CMSS1: variants seen among roughly 807,000 people sequenced by gnomAD.
CMSS1 encodes the protein cms1 ribosomal small subunit homolog, also known as protein CMSS1.
In CMSS1, 33 loss-of-function variants were observed where a neutral mutation model predicts 43.5. The observed-to-expected ratio is 0.76, with a 90% confidence interval of 0.57 to 1.01. The LOEUF (loss-of-function observed/expected upper bound fraction) is 1.01, where lower values mean the gene tolerates loss of function less well. Ranked by LOEUF, CMSS1 falls within the 50% of genes least tolerant of loss-of-function variation. The pLI, the probability that CMSS1 is intolerant of heterozygous loss-of-function variation, is 0.00. For synonymous variants in CMSS1, 115 were observed against 117.2 expected (o/e 0.98, Z 0.12); for missense variants, 313 against 326.4 (o/e 0.96, Z 0.32).
chr3:100,109,344 T>C (rs1199060110), intron 1 of CMSS1, among the ~76,000 whole-genome samples: 1 of 152,174 alleles, frequency 6.6e-6, no homozygotes, highest in African/African-American at 2.4e-5. Flanking sequence ...GCTTTACATA[T>C]AGTAAAATTA....
chr3:100,037,193 G>T (rs1260029776), intron 1 of CMSS1, among the ~76,000 whole-genome samples: 1 of 151,008 alleles, frequency 6.6e-6, no homozygotes, highest in African/African-American at 2.5e-5. Flanking sequence ...GATCATTGTG[G>T]AGTAAGTGAA....
intron 1 of CMSS1, among the ~76,000 whole-genome samples, chr3:100,100,799 A>G (rs2066290559): frequency 1.3e-5 from 2 of 152,200 alleles, no homozygotes; most frequent in South Asian, 2.1e-4. Context: ...GCCTTGCTGC[A>G]TATTCTGGTG....
chr3:99,887,017 A>G (rs1377529316), intron 1 of CMSS1, among the ~76,000 whole-genome samples: 1 of 151,708 alleles, frequency 6.6e-6, no homozygotes, highest in African/African-American at 2.4e-5. Flanking sequence ...CATGCCTGTA[A>G]TCCCAGCACT....
chr3:100,179,701 G>A lies in CMSS1; in HGVS notation c.*1313G>A, dbSNP rs988272337. 3 of 152,418 alleles carry A rather than the reference G, an allele frequency of 2.0e-5. No homozygotes were observed. Among genetic ancestry groups the A allele is most frequent in the African/African-American group, 7.2e-5 (3 of 41,460 alleles). 9.4% of individuals were successfully genotyped at this position (152,418 alleles called of 1,614,324 possible). On this transcript the variant is annotated 3_prime_UTR_variant, in exon 10 of 10. Transcript: ENST00000421999. Reference sequence around the variant, plus strand: ...TGTTGAGTGCCTACAGCATATCCAGGTACACAGTGTAAGCTGTCAGTGGAT... The same window carrying A: ...TGTTGAGTGCCTACAGCATATCCAGATACACAGTGTAAGCTGTCAGTGGAT...
In CMSS1 at chr3:100,005,078, A is replaced by G. The variant is rs41444055; in HGVS notation, c.65-141895A>G. ...CAGGACGTAACCAGAAAGCCAGTAA[A>G]GGTTCAACTCTTATGAATAGGAAAG... On this transcript the variant is annotated intron_variant, in intron 1 of 9. Transcript: ENST00000421999. Among the ~76,000 whole-genome samples the G allele has an allele frequency of 4.5e-3, 691 of 152,336 alleles. 7 individuals carry two copies. The highest frequency in any genetic ancestry group is 0.016 in the African/African-American group (677 of 41,580).
chr3:100,165,257 G>T (rs573876191), intron 4 of CMSS1, among the ~76,000 whole-genome samples: 5 of 152,242 alleles, frequency 3.3e-5, no homozygotes, highest in Admixed American at 3.3e-4. Flanking sequence ...CTCACTTAAT[G>T]AGTTATATGT....
chr3:99,893,503 A>G (rs975225828), intron 1 of CMSS1, among the ~76,000 whole-genome samples: 1 of 152,156 alleles, frequency 6.6e-6, no homozygotes, highest in Non-Finnish European at 1.5e-5. Flanking sequence ...TAGTAACAGT[A>G]ACAAATATTA....
chr3:99,850,632 T>C, intron 1 of CMSS1: 1 of 1,614,078 alleles, frequency 6.2e-7, no homozygotes, highest in Non-Finnish European at 8.5e-7. Context: ...GCAGCTCCTC[T>C]TCTGCTTTTC....
intron 1 of CMSS1, among the ~76,000 whole-genome samples, chr3:99,986,345 C>G (rs1403343098): frequency 6.6e-6 from 1 of 152,100 alleles, no homozygotes; most frequent in African/African-American, 2.4e-5. Context: ...AAAGACATAT[C>G]ATTGTAAAAT....
chr3:100,102,011 A>G (rs944342278), intron 1 of CMSS1, among the ~76,000 whole-genome samples: 5 of 152,308 alleles, frequency 3.3e-5, no homozygotes, highest in South Asian at 2.1e-4. Flanking sequence ...TTCTTAATCC[A>G]GTCGATCATT....
At chr3:100,048,014 T>C (rs1290880170) in intron 1 of CMSS1, among the ~76,000 whole-genome samples, 2 of 152,116 alleles carry the variant, frequency 1.3e-5, no homozygotes, top group East Asian at 3.9e-4. Flanking sequence ...GGGCCATAGC[T>C]TGTGAAAGTG....
intron 1 of CMSS1, among the ~76,000 whole-genome samples, chr3:99,977,783 A>C (rs1479125885): frequency 1.3e-5 from 2 of 152,184 alleles, no homozygotes; most frequent in African/African-American, 4.8e-5. Context: ...TTCATAAACT[A>C]GTTAACTTAC....
chr3:100,125,988 G>T (rs1219214751), intron 1 of CMSS1, among the ~76,000 whole-genome samples: 2 of 152,142 alleles, frequency 1.3e-5, no homozygotes, highest in Non-Finnish European at 2.9e-5. Flanking sequence ...GTTAATATTT[G>T]CCACCAAGTT....
intron 1 of CMSS1, among the ~76,000 whole-genome samples, chr3:100,081,311 A>G (rs990195082): frequency 6.6e-6 from 1 of 152,198 alleles, no homozygotes; most frequent in Admixed American, 6.5e-5. Flanking sequence ...TGTAAAACAA[A>G]TTATATACCA....
At chr3:99,977,848 G>C (rs892288953) in intron 1 of CMSS1, among the ~76,000 whole-genome samples, 1 of 152,034 alleles carries the variant, frequency 6.6e-6, no homozygotes, top group Non-Finnish European at 1.5e-5. Context: ...TCCAATAAGA[G>C]AAATCTGTTA....
intron 1 of CMSS1, among the ~76,000 whole-genome samples, chr3:100,103,640 A>T (rs992388350): frequency 1.3e-5 from 2 of 152,138 alleles, no homozygotes; most frequent in Non-Finnish European, 2.9e-5. Flanking sequence ...TGGAGGAGAG[A>T]ATATTGGTTG....
At chr3:100,037,955 T>TTTTG (rs2065136152) in intron 1 of CMSS1, among the ~76,000 whole-genome samples, 1 of 134,104 alleles carries the variant, frequency 7.5e-6, no homozygotes, top group South Asian at 2.4e-4. Flanking sequence ...TTTTTTTTTT[T>TTTTG]TGGGGGGGGA....
At chr3:99,895,644 A>C (rs1706227786) in intron 1 of CMSS1, among the ~76,000 whole-genome samples, 1 of 152,198 alleles carries the variant, frequency 6.6e-6, no homozygotes, top group Non-Finnish European at 1.5e-5. Context: ...ATCAGTGCAG[A>C]TCGAAATAAA....
chr3:99,976,945 T>C (rs1708990755), intron 1 of CMSS1, among the ~76,000 whole-genome samples: 1 of 152,326 alleles, frequency 6.6e-6, no homozygotes, highest in Non-Finnish European at 1.5e-5. Flanking sequence ...GTGAGTGAGT[T>C]TGAACTCCCT....
Sources: gnomAD v4.1 joint callset for allele counts (sites outside exome capture counted in the v4.1 genomes callset) on GRCh38, gnomAD v4.1.1 for gene constraint, MANE v1.5 for transcripts, NCBI Gene and HGNC (gene_info 2026-07-23, HGNC 2026-07-21) for gene names.